SDK2: variants seen among roughly 807,000 people sequenced by gnomAD.
The protein encoded by SDK2 is sidekick cell adhesion molecule 2.
SDK2 carries 105 observed loss-of-function variants against 253.9 expected under a neutral mutation model. The ratio of observed to expected loss-of-function variants is 0.41; its 90% confidence interval spans 0.35 to 0.49. The LOEUF is 0.49. Ranked by LOEUF, SDK2 falls within the 20% of genes least tolerant of loss-of-function variation. The probability of loss-of-function intolerance (pLI) is 0.06; values close to 1 mark genes in which losing one functional copy is unlikely to be tolerated. For missense variants in SDK2, 2,608 were observed against 3,003.0 expected, an observed-to-expected ratio of 0.87 and a Z score of 3.07; for synonymous variants, 1,249 against 1,234.9, an observed-to-expected ratio of 1.01 and a Z score of -0.24.
intron 14 of SDK2, 146 bp downstream of exon 14, chr17:73,423,240 G>T: frequency 1.4e-6 from 1 of 718,734 alleles, no homozygotes; most frequent in Non-Finnish European, 2.0e-6. Flanking sequence ...GTTTCCTTCA[G>T]AGATGGGAAC....
Position 73,540,302 on chromosome 17 carries a change from T to C in SDK2, c.65-32705A>G, listed in dbSNP as rs570044372. Among the ~76,000 whole-genome samples, 15 of 152,312 alleles carry C rather than the reference T, an allele frequency of 9.8e-5. No individual in the cohort carries two copies. The East Asian group carries it at 1.4e-3, about 14-fold the overall frequency. ...TTCGGTGGTTCTAAGCCACTCAGCA[T>C]GTGACTTTGTTACTGCAAATCCCAG... is the stretch of plus-strand genomic sequence containing the variant. On this transcript the variant is annotated intron_variant, in intron 1 of 44. Coordinates refer to ENST00000392650, the MANE Select transcript of SDK2 (RefSeq NM_001144952.2).
intron 2 of SDK2, among the ~76,000 whole-genome samples, chr17:73,499,256 T>C (rs1599623406): frequency 6.6e-6 from 1 of 152,232 alleles, no homozygotes; most frequent in South Asian, 2.1e-4. Flanking sequence ...TCCGCGTGCG[T>C]CCCCTGCTTT....
chr17:73,414,906 C>G, intron 17 of SDK2, 147 bp from the exon 18 acceptor site: 1 of 598,772 alleles, frequency 1.7e-6, no homozygotes. Flanking sequence ...GCTGTGTAGA[C>G]TTAAGAGGCC....
At chr17:73,565,074 C>T (rs2045293202) in intron 1 of SDK2, among the ~76,000 whole-genome samples, 1 of 152,204 alleles carries the variant, frequency 6.6e-6, no homozygotes, top group African/African-American at 2.4e-5. Context: ...AGGTCAGGCT[C>T]TAGCTCCTGC....
In SDK2 at chr17:73,546,865, C is replaced by T. The variant is rs1423705866; in HGVS notation, c.65-39268G>A. Reference sequence around the variant, plus strand: ...TATCAGGGTCTTGAGAACAGGACGGCTCAGAGAGGTGCAGGGATGGTACAG... The same window carrying T: ...TATCAGGGTCTTGAGAACAGGACGGTTCAGAGAGGTGCAGGGATGGTACAG... On this transcript the variant is annotated intron_variant, in intron 1 of 44. Coordinates refer to ENST00000392650, the MANE Select transcript of SDK2 (RefSeq NM_001144952.2). Among the ~76,000 whole-genome samples the T allele has an allele frequency of 2.0e-5, 3 of 152,362 alleles. 1 individual carries two copies. Among genetic ancestry groups the T allele is most frequent in the Admixed American group, 1.3e-4 (2 of 15,304 alleles).
chr17:73,464,978 G>A (rs936438900), intron 3 of SDK2, among the ~76,000 whole-genome samples: 3 of 152,136 alleles, frequency 2.0e-5, no homozygotes, highest in African/African-American at 7.2e-5. Context: ...CCACTGCCTG[G>A]AACAGTGCTT....
chr17:73,342,439 CGAGTGAG>C (rs2062446746), intron 44 of SDK2, among the ~76,000 whole-genome samples: 2 of 152,186 alleles, frequency 1.3e-5, no homozygotes, highest in African/African-American at 4.8e-5. Context: ...GATGCTGGGC[CGAGTGAG>C]GCTGGCCTGG....
At chr17:73,475,434 G>A (rs2063679781) in intron 2 of SDK2, among the ~76,000 whole-genome samples, 1 of 152,240 alleles carries the variant, frequency 6.6e-6, no homozygotes, top group South Asian at 2.1e-4. Flanking sequence ...TTACAGGCGT[G>A]AGCCATGGCT....
intron 2 of SDK2, among the ~76,000 whole-genome samples, chr17:73,489,625 C>G (rs2063792044): frequency 6.6e-6 from 1 of 152,170 alleles, no homozygotes; most frequent in Non-Finnish European, 1.5e-5. Context: ...GGATGAGCCA[C>G]AGTCTCCAGG....
chr17:73,369,861 G>C (rs185326202), intron 36 of SDK2, among the ~76,000 whole-genome samples: 1 of 152,302 alleles, frequency 6.6e-6, no homozygotes, highest in South Asian at 2.1e-4. Flanking sequence ...AGCCAGGATG[G>C]TCTAGATCTC....
In SDK2 at chr17:73,455,972, G is replaced by A; in HGVS notation, c.413C>T (p.Ala138Val). ...EAAVIRAPRI[A>V]SFPQPQVTWF... ...GGTCACCTGTGGCTGGGGGAAGCTG[G>A]CGATGCGCGGGGCACGGATGACAGC... Residue 138 changes from alanine (A) to valine (V), a missense_variant, in exon 4 of 45, where the codon GCC becomes GTC. This residue lies in a region of SDK2 where 1,505 missense variants were observed against 1,859.1 expected (regional missense o/e 0.81). Coordinates refer to ENST00000392650, the MANE Select transcript of SDK2 (RefSeq NM_001144952.2). This position sits in a 1 kb window ranked among gnomAD's most constrained non-coding sequence, Gnocchi z 5.0. The A allele has an allele frequency of 1.9e-6, 3 of 1,548,860 alleles. No homozygotes were observed. Among genetic ancestry groups the A allele is most frequent in the Non-Finnish European group, 2.6e-6 (3 of 1,146,278 alleles).
chr17:73,405,453 AAC>A (rs1568385541), intron 18 of SDK2, among the ~76,000 whole-genome samples: 1 of 111,352 alleles, frequency 9.0e-6, no homozygotes, highest in African/African-American at 3.3e-5. Flanking sequence ...AAAAAAAAAA[AAC>A]AAACAAAAAA....
intron 1 of SDK2, among the ~76,000 whole-genome samples, chr17:73,530,582 T>C (rs183893760): frequency 1.9e-3 from 288 of 152,276 alleles, no homozygotes; most frequent in Middle Eastern, 6.8e-3. Context: ...GGACCCTATA[T>C]ACAATGGTAG....
intron 27 of SDK2, among the ~76,000 whole-genome samples, chr17:73,392,763 C>T (rs887637996): frequency 6.6e-6 from 1 of 151,264 alleles, no homozygotes; most frequent in South Asian, 2.1e-4. Flanking sequence ...TAGGTGGGGG[C>T]GTGTGCGGGG....
rs2062958691 is a variant in SDK2, at chr17:73,395,033, G to A, written c.3592+122C>T. On this transcript the variant is annotated intron_variant, in intron 25 of 44. Coordinates refer to ENST00000392650, the MANE Select transcript of SDK2 (RefSeq NM_001144952.2). The surrounding 1 kb of genome is among the most constrained non-coding windows in gnomAD (Gnocchi z 4.3). ...ATTGTGACATTGAGCATAAGCAGAGGAAATGAGCTCAGGCTGTTTTTGAAC... is the reference window on the plus strand; with the variant it reads ...ATTGTGACATTGAGCATAAGCAGAGAAAATGAGCTCAGGCTGTTTTTGAAC... The A allele has an allele frequency of 2.8e-6, 2 of 712,008 alleles. No homozygotes were observed. The highest frequency in any genetic ancestry group is 4.7e-6 in the Non-Finnish European group (2 of 426,844). The allele number at this position is 712,008 out of a possible 1,614,324, so 44.1% of individuals were successfully genotyped here.
Position 73,447,142 on chromosome 17 carries a change from G to A in SDK2, c.613+473C>T, listed in dbSNP as rs191622815. ...CAGAGGGCCTGTCTTCCCATCAGCA[G>A]GGACCACCTGGCTCCCAATATAGAC... On this transcript the variant is annotated intron_variant, in intron 5 of 44. Coordinates refer to ENST00000392650, the MANE Select transcript of SDK2 (RefSeq NM_001144952.2). This position sits in a 1 kb window ranked among gnomAD's most constrained non-coding sequence, Gnocchi z 4.0. Among the ~76,000 whole-genome samples the A allele has an allele frequency of 3.3e-5, 5 of 152,256 alleles. No homozygotes were observed. The East Asian group carries it at 7.7e-4, about 24-fold the overall frequency.
At chr17:73,583,156 G>A (rs2045558950) in intron 1 of SDK2, among the ~76,000 whole-genome samples, 2 of 152,192 alleles carry the variant, frequency 1.3e-5, no homozygotes, top group Non-Finnish European at 2.9e-5. Context: ...CAGAATCCTT[G>A]CCTTATGGGA....
Position 73,465,427 on chromosome 17 carries a change from C to T in SDK2, c.331+6685G>A, listed in dbSNP as rs1203156174. Among the ~76,000 whole-genome samples the T allele has an allele frequency of 6.6e-6, 1 of 152,154 alleles. No individual in the cohort carries two copies. On this transcript the variant is annotated intron_variant, in intron 3 of 44. Coordinates refer to ENST00000392650, the MANE Select transcript of SDK2 (RefSeq NM_001144952.2). This position sits in a 1 kb window ranked among gnomAD's most constrained non-coding sequence, Gnocchi z 4.2. ...GGTGAGGAGAACACAGAGGTGCCCT[C>T]AGGACCTGGATGTGGTGAAACGCTG...
Position 73,348,686 on chromosome 17 carries a change from C to G in SDK2, c.6078G>C (p.Ser2026=), listed in dbSNP as rs150319493. Reference sequence around the variant, plus strand: ...CGTTGTATTTGGTGACATCCTCATCCGAGTAGTGCAGGCTGCCTGGGCTGG... The same window carrying G: ...CGTTGTATTTGGTGACATCCTCATCGGAGTAGTGCAGGCTGCCTGGGCTGG... ...PRPSPGSLHY[S]DEDVTKYNDL... Residue 2026 remains serine (S), a synonymous_variant, in exon 44 of 45, where the codon TCG becomes TCC. Coordinates refer to ENST00000392650, the MANE Select transcript of SDK2 (RefSeq NM_001144952.2). 63 of 1,611,410 alleles carry G rather than the reference C, an allele frequency of 3.9e-5. No homozygotes were observed. Among genetic ancestry groups the G allele is most frequent in the Non-Finnish European group, 5.0e-5 (59 of 1,179,752 alleles).
Sources: allele counts gnomAD v4.1 joint callset (sites outside exome capture counted in the v4.1 genomes callset), GRCh38; gene constraint gnomAD v4.1.1; regional missense constraint gnomAD v4.1.1; non-coding constraint Gnocchi (gnomAD v3.1); transcripts MANE v1.5; gene names NCBI Gene and HGNC (gene_info 2026-07-23, HGNC 2026-07-21).